The following HHAT variants were observed in gnomAD, a reference collection of about 807,000 sequenced individuals.
HHAT encodes hedgehog acyltransferase.
HHAT carries 47 observed loss-of-function variants against 70.8 expected under a neutral mutation model. The ratio of observed to expected loss-of-function variants is 0.66; its 90% CI spans 0.53 to 0.85. The LOEUF (loss-of-function observed/expected upper bound fraction) is 0.85, where lower values mean the gene tolerates loss of function less well. Among genes scored for constraint, HHAT ranks in the 40% least tolerant of loss-of-function variants. The pLI, the probability that HHAT is intolerant of heterozygous loss-of-function variation, is 0.00. For missense variants in HHAT, 609 were observed against 604.8 expected, an observed-to-expected ratio of 1.01 and a Z score of -0.07; for synonymous variants, 228 against 247.6, an observed-to-expected ratio of 0.92 and a Z score of 0.74.
chr1:210,350,313 A>G (rs977825382), intron 2 of HHAT, among the ~76,000 whole-genome samples: 24 of 152,236 alleles, frequency 1.6e-4, no homozygotes, highest in African/African-American at 5.3e-4. Context: ...CGGACAATGG[A>G]ATTTGCCAGG....
At chr1:210,338,449 T>A (rs2085707949) in intron 1 of HHAT, among the ~76,000 whole-genome samples, 1 of 152,190 alleles carries the variant, frequency 6.6e-6, no homozygotes, top group Non-Finnish European at 1.5e-5. Context: ...TCTTTAAACA[T>A]TTGAACGAGT....
intron 10 of HHAT, among the ~76,000 whole-genome samples, chr1:210,603,250 T>C (rs1664684339): frequency 6.6e-6 from 1 of 151,960 alleles, no homozygotes; most frequent in Non-Finnish European, 1.5e-5. Flanking sequence ...CAGGAACGAG[T>C]ACTGAGCCAA....
At chr1:210,588,366 C>T in intron 10 of HHAT, 2 of 367,270 alleles carry the variant, frequency 5.4e-6, no homozygotes, top group South Asian at 1.1e-4. Flanking sequence ...AAAATAACCT[C>T]TCAACAGAAA....
rs561603834 is a variant in HHAT, at chr1:210,630,818, G to C, written c.1390+7148G>C. Among the ~76,000 whole-genome samples the C allele has an allele frequency of 1.5e-3, 227 of 152,300 alleles. 1 individual carries two copies. The highest frequency in any genetic ancestry group is 5.1e-3 in the African/African-American group (213 of 41,566). On this transcript the variant is annotated intron_variant, in intron 11 of 11. Coordinates refer to ENST00000261458, the MANE Select transcript of HHAT (RefSeq NM_018194.6). Reference sequence around the variant, plus strand: ...AATCTCTCCTTTGGAGTGTGGAGTTGTCAGGATGCAGAGCTGGAGCTGCTG... The same window carrying C: ...AATCTCTCCTTTGGAGTGTGGAGTTCTCAGGATGCAGAGCTGGAGCTGCTG...
chr1:210,427,081 T>C (rs2093085786), intron 7 of HHAT, among the ~76,000 whole-genome samples: 1 of 152,144 alleles, frequency 6.6e-6, no homozygotes, highest in African/African-American at 2.4e-5. Context: ...GGTGTATGTG[T>C]CCTGGAAATG....
At chr1:210,357,768 C>T (rs1047882094) in intron 2 of HHAT, among the ~76,000 whole-genome samples, 9 of 152,084 alleles carry the variant, frequency 5.9e-5, no homozygotes, top group African/African-American at 1.4e-4. Flanking sequence ...TGCGGTGAGC[C>T]GAGTTCGCAC....
intron 8 of HHAT, among the ~76,000 whole-genome samples, chr1:210,487,548 T>A (rs2094491662): frequency 6.6e-6 from 1 of 152,164 alleles, no homozygotes; most frequent in Non-Finnish European, 1.5e-5. Flanking sequence ...TTAATATGTG[T>A]TTCTCGTATG....
intron 11 of HHAT, among the ~76,000 whole-genome samples, chr1:210,625,904 C>T (rs1485466764): frequency 1.3e-5 from 2 of 152,188 alleles, no homozygotes; most frequent in Non-Finnish European, 2.9e-5. Context: ...TGGCCAGAGC[C>T]AGTCATATGA....
intron 9 of HHAT, among the ~76,000 whole-genome samples, chr1:210,565,635 A>G (rs1654544863): frequency 6.6e-6 from 1 of 152,174 alleles, no homozygotes; most frequent in Non-Finnish European, 1.5e-5. Context: ...GAATGGACAA[A>G]GAAGCTGAGA....
chr1:210,544,013 G>A (rs1417979920), intron 9 of HHAT, among the ~76,000 whole-genome samples: 1 of 152,196 alleles, frequency 6.6e-6, no homozygotes, highest in African/African-American at 2.4e-5. Flanking sequence ...GGTTGCAGGT[G>A]GCCTGTGAGC....
intron 9 of HHAT, among the ~76,000 whole-genome samples, chr1:210,524,702 A>G (rs1215523697): frequency 6.6e-6 from 1 of 152,122 alleles, no homozygotes; most frequent in Non-Finnish European, 1.5e-5. Context: ...CTTAGGTGGG[A>G]ATCTAGAGAA....
At chr1:210,415,647 C>T (rs1399533558) in intron 6 of HHAT, among the ~76,000 whole-genome samples, 4 of 151,312 alleles carry the variant, frequency 2.6e-5, no homozygotes, top group Non-Finnish European at 5.9e-5. Flanking sequence ...AAGGGAAATT[C>T]CTGTTGTACC....
intron 7 of HHAT, among the ~76,000 whole-genome samples, chr1:210,450,200 A>C (rs1172864545): frequency 6.6e-6 from 1 of 151,096 alleles, no homozygotes; most frequent in Non-Finnish European, 1.5e-5. Flanking sequence ...CTGAGGGAGG[A>C]GAATTGCTTC....
At chr1:210,367,401 T>C (rs1366434187) in intron 3 of HHAT, among the ~76,000 whole-genome samples, 2 of 152,050 alleles carry the variant, frequency 1.3e-5, no homozygotes, top group African/African-American at 2.4e-5. Context: ...TAGATAGCCA[T>C]GTAGGTAAGT....
intron 7 of HHAT, among the ~76,000 whole-genome samples, chr1:210,444,987 G>A (rs907469989): frequency 3.3e-5 from 5 of 152,086 alleles, no homozygotes; most frequent in Admixed American, 2.6e-4. Flanking sequence ...TTACAGGTAT[G>A]CACCATCACA....
chr1:210,604,425 T>C (rs966204087), intron 10 of HHAT, among the ~76,000 whole-genome samples: 4 of 152,076 alleles, frequency 2.6e-5, no homozygotes, highest in Admixed American at 1.3e-4. Flanking sequence ...TCTTGACATA[T>C]TAGTTTTAAA....
upstream of HHAT, chr1:210,328,864 G>A (rs2084727641): frequency 2.2e-6 from 1 of 464,444 alleles, no homozygotes; most frequent in Non-Finnish European, 3.5e-6. Flanking sequence ...CGCCCGGAGA[G>A]CGCCGCGGGT....
intron 7 of HHAT, among the ~76,000 whole-genome samples, chr1:210,452,818 A>C (rs1201567601): frequency 6.6e-6 from 1 of 152,244 alleles, no homozygotes; most frequent in African/African-American, 2.4e-5. Context: ...GAGCTTTAGC[A>C]AGGGATTTGA....
intron 8 of HHAT, among the ~76,000 whole-genome samples, chr1:210,476,789 C>T (rs1370937203): frequency 6.8e-6 from 1 of 146,540 alleles, no homozygotes; most frequent in Admixed American, 6.9e-5. Flanking sequence ...ACATCAGTTT[C>T]TCCTGGGAGC....
Sources: allele counts gnomAD v4.1 joint callset (sites outside exome capture counted in the v4.1 genomes callset), GRCh38; gene constraint gnomAD v4.1.1; transcripts MANE v1.5; gene names NCBI Gene and HGNC (gene_info 2026-07-23, HGNC 2026-07-21).